Variants in SARDH observed in about 807,000 individuals in gnomAD.
SARDH encodes the protein sarcosine dehydrogenase, also known as sarcosine dehydrogenase, mitochondrial.
SARDH carries 95 observed loss-of-function variants against 109.1 expected under a neutral mutation model. The observed-to-expected ratio is 0.87, with a 90% CI of 0.74 to 1.03. The LOEUF (loss-of-function observed/expected upper bound fraction) is 1.03. Ranked by LOEUF, SARDH falls within the 50% of genes least tolerant of loss-of-function variation. The pLI, the probability that SARDH is intolerant of heterozygous loss-of-function variation, is 0.00. For synonymous variants in SARDH, 572 were observed against 534.8 expected (o/e 1.07, Z -0.96); for missense variants, 1,267 against 1,287.8 (o/e 0.98, Z 0.25).
intron 1 of SARDH, among the ~76,000 whole-genome samples, chr9:133,737,302 G>T (rs780215656): frequency 6.6e-6 from 1 of 152,208 alleles, no homozygotes; most frequent in African/African-American, 2.4e-5. Flanking sequence ...TGATTGCAGC[G>T]GCGTAGGGGA....
chr9:133,734,291 G>A (rs1832791617), intron 1 of SARDH, 88 bp from the exon 2 acceptor site: 6 of 865,248 alleles, frequency 6.9e-6, no homozygotes, highest in African/African-American at 1.7e-5. Flanking sequence ...GCCCTATGGT[G>A]TTACCTCCCA....
At chr9:133,674,469 A>T (rs1369149857) in intron 17 of SARDH, among the ~76,000 whole-genome samples, 1 of 152,274 alleles carries the variant, frequency 6.6e-6, no homozygotes, top group African/African-American at 2.4e-5. Flanking sequence ...ATCAGCAGGA[A>T]GGGTCTTATG....
chr9:133,710,498 G>A (rs1588433515), intron 10 of SARDH, among the ~76,000 whole-genome samples: 1 of 152,272 alleles, frequency 6.6e-6, no homozygotes. Flanking sequence ...CTCGCTGTGC[G>A]TGTCTCCCAT....
chr9:133,733,760 A>T, intron 2 of SARDH, 83 bp downstream of exon 2: 1 of 1,308,340 alleles, frequency 7.6e-7, no homozygotes, highest in Non-Finnish European at 1.0e-6. Flanking sequence ...GTTGTGAACC[A>T]AGAACTGTCC....
chr9:133,689,984 A>AC (rs1186983363), intron 16 of SARDH, among the ~76,000 whole-genome samples: 1 of 152,026 alleles, frequency 6.6e-6, no homozygotes, highest in Non-Finnish European at 1.5e-5. Context: ...GGAGCCAGGG[A>AC]CCCCTCGGTA....
rs1180844456 is a variant in SARDH, at chr9:133,718,474, A to G, written c.1020+464T>C. On this transcript the variant is annotated intron_variant, in intron 7 of 20. Transcript: ENST00000439388. The surrounding 1 kb of genome is among the most constrained non-coding windows in gnomAD (Gnocchi z 4.2). ...TTCTCCAGAAATTAAAGCAGTTTTTAGCCCAAAGTAGCCACTCAGTCGTTC... is the reference window on the plus strand; with the variant it reads ...TTCTCCAGAAATTAAAGCAGTTTTTGGCCCAAAGTAGCCACTCAGTCGTTC... The G allele has an allele frequency of 7.8e-6, 4 of 515,228 alleles. No homozygotes were observed. The highest frequency in any genetic ancestry group is 1.9e-5 in the African/African-American group (1 of 52,254). 31.9% of individuals were successfully genotyped at this position (515,228 alleles called of 1,614,324 possible). A position where few individuals can be genotyped will look rare whatever the true frequency, so the allele number is the denominator to read the frequency against.
Position 133,671,906 on chromosome 9 carries a change from C to T in SARDH, c.2164-209G>A, listed in dbSNP as rs34984303. On this transcript the variant is annotated intron_variant, in intron 17 of 20. Transcript: ENST00000439388. ...AAATCTTTGAGGAGAAGTAGGGGGTCACCTTTGGGAAGGGGAGATGGCAGG... is the reference window on the plus strand; with the variant it reads ...AAATCTTTGAGGAGAAGTAGGGGGTTACCTTTGGGAAGGGGAGATGGCAGG... Among the ~76,000 whole-genome samples the T allele has an allele frequency of 3.1e-3, 476 of 152,328 alleles. 6 individuals are homozygous for T. Among genetic ancestry groups the T allele is most frequent in the Middle Eastern group, 3.4e-3 (1 of 294 alleles).
chr9:133,722,634 CT>C (rs1261403025), intron 6 of SARDH, among the ~76,000 whole-genome samples: 4 of 142,506 alleles, frequency 2.8e-5, no homozygotes, highest in Non-Finnish European at 4.5e-5. Flanking sequence ...CACTAAAAAA[CT>C]ACTAGCGCTC....
chr9:133,733,495 G>A (rs1428563400), intron 2 of SARDH, among the ~76,000 whole-genome samples: 4 of 152,284 alleles, frequency 2.6e-5, no homozygotes, highest in East Asian at 1.9e-4. Flanking sequence ...AATGGTCCCC[G>A]TCCGTCCTTC....
chr9:133,671,453 T>G, intron 18 of SARDH, 82 bp downstream of exon 18: 1 of 1,444,964 alleles, frequency 6.9e-7, no homozygotes, highest in Non-Finnish European at 9.2e-7. Context: ...GGTAAACAGC[T>G]TCTCGGCCTC....
At chr9:133,672,665 G>A (rs752863397) in intron 17 of SARDH, among the ~76,000 whole-genome samples, 35 of 152,212 alleles carry the variant, frequency 2.3e-4, no homozygotes, top group Non-Finnish European at 4.3e-4. Context: ...GCCCAGCACC[G>A]GGCTCTGAAG....
chr9:133,708,033 G>A (rs899774350), intron 11 of SARDH, among the ~76,000 whole-genome samples: 4 of 152,188 alleles, frequency 2.6e-5, no homozygotes, highest in Non-Finnish European at 4.4e-5. Context: ...CTGGGTGTGC[G>A]TTCCTGCTCC....
downstream of SARDH, among the ~76,000 whole-genome samples, chr9:133,660,635 G>A (rs116807965): frequency 0.025 from 3,789 of 152,242 alleles, 83 homozygotes; most frequent in South Asian, 0.1. Context: ...TCCTTCCCTA[G>A]GCTTGGGTCT....
At position 133,694,288 on chromosome 9, in the gene SARDH, G is replaced by T; in HGVS notation, c.1891C>A (p.Gln631Lys). 1.3e-6 allele frequency: 2 copies of T among 1,550,510 alleles called. No individual in the cohort carries two copies. The highest frequency in any genetic ancestry group is 4.9e-5 in the East Asian group (2 of 40,922). Residue 631 changes from glutamine to lysine, a missense_variant, in exon 15 of 21, where the codon CAG becomes AAG. By Grantham distance (53) the Gln-to-Lys change is moderately conservative (BLOSUM62 1). Coordinates refer to ENST00000439388, the MANE Select transcript of SARDH (RefSeq NM_001134707.2). ...AAGGCGGGGGCCAGCGGGGAGGCCT[G>T]GTGGCTGGGTGCCAGGCGGCTGACA... ...LTVSRLAPSH[Q>K]ASPLAPAFEG...
At chr9:133,676,993 G>A (rs894689645) in intron 17 of SARDH, among the ~76,000 whole-genome samples, 3 of 152,146 alleles carry the variant, frequency 2.0e-5, no homozygotes, top group Admixed American at 1.3e-4. Flanking sequence ...ACAAAAATTA[G>A]CTGGCTGTGG....
intron 17 of SARDH, among the ~76,000 whole-genome samples, chr9:133,675,996 AG>A (rs59165186): frequency 0.013 from 1,972 of 152,074 alleles, 55 homozygotes; most frequent in African/African-American, 0.045. Flanking sequence ...GGAAGGCTGA[AG>A]GGGGGAGGAT....
At chr9:133,670,386 G>T (rs1405814289) in intron 19 of SARDH, among the ~76,000 whole-genome samples, 198 bp downstream of exon 19, 1 of 151,182 alleles carries the variant, frequency 6.6e-6, no homozygotes, top group Non-Finnish European at 1.5e-5. Context: ...TTAACAACAT[G>T]TGACCTGGCC....
intron 18 of SARDH, 91 bp downstream of exon 18, chr9:133,671,444 G>T: frequency 7.0e-7 from 1 of 1,426,178 alleles, no homozygotes; most frequent in Non-Finnish European, 9.4e-7. Flanking sequence ...CACAGGGAAG[G>T]TAAACAGCTT....
chr9:133,670,642 G>C lies in SARDH; in HGVS notation c.2437C>G (p.Leu813Val). The change falls in exon 19 of 21, where the codon CTG becomes GTG. Residue 813 changes from leucine to valine, a missense_variant. By Grantham distance (32) the Leu-to-Val change is conservative. Transcript: ENST00000439388. ...SPVPFLGREALEQQRAAGLRR... is the reference protein window; with the variant it reads ...SPVPFLGREAVEQQRAAGLRR... ...AGGCCTGCGGCCCGCTGCTGCTCCA[G>C]GGCCTCCCTCCCCAGGAAGGGCACC... The C allele has an allele frequency of 6.3e-7, 1 of 1,587,634 alleles. No homozygotes were observed. The highest frequency in any genetic ancestry group is 2.3e-5 in the East Asian group (1 of 43,658).
Sources: gnomAD v4.1 joint callset for allele counts (sites outside exome capture counted in the v4.1 genomes callset) on GRCh38, gnomAD v4.1.1 for gene constraint, Gnocchi (gnomAD v3.1) non-coding constraint, MANE v1.5 for transcripts, NCBI Gene and HGNC (gene_info 2026-07-23, HGNC 2026-07-21) for gene names.